Variants in HIKESHI observed in about 807,000 individuals in gnomAD.
The protein encoded by HIKESHI is protein Hikeshi.
HIKESHI carries 13 observed loss-of-function variants against 25.7 expected under a neutral mutation model. The observed-to-expected ratio is 0.51, with a 90% confidence interval of 0.33 to 0.80. The LOEUF is 0.80. HIKESHI is among the 30% of genes least tolerant of loss of function. HIKESHI has a pLI of 0.02. For synonymous variants in HIKESHI, 76 were observed against 78.7 expected (o/e 0.97, Z 0.18); for missense variants, 174 against 229.5 (o/e 0.76, Z 1.56).
intron 2 of HIKESHI, among the ~76,000 whole-genome samples, chr11:86,328,767 A>G (rs185959080): frequency 6.6e-6 from 1 of 151,628 alleles, no homozygotes; most frequent in African/African-American, 2.4e-5. Context: ...AGTAGCGACA[A>G]GGTTTCACCA....
chr11:86,308,517 GTTC>G (rs1365133855), intron 2 of HIKESHI, among the ~76,000 whole-genome samples: 6 of 142,616 alleles, frequency 4.2e-5, no homozygotes, highest in East Asian at 2.1e-4. Flanking sequence ...CCCTGCCAAT[GTTC>G]TTCTTTTGGT....
At chr11:86,329,510 C>A (rs535337603) in intron 2 of HIKESHI, among the ~76,000 whole-genome samples, 1 of 151,564 alleles carries the variant, frequency 6.6e-6, no homozygotes, top group South Asian at 2.1e-4. Context: ...ATTTTCTGTA[C>A]AGATGTCGTG....
intron 2 of HIKESHI, among the ~76,000 whole-genome samples, chr11:86,320,252 C>T (rs1348540233): frequency 6.6e-6 from 1 of 152,144 alleles, no homozygotes; most frequent in African/African-American, 2.4e-5. Context: ...CCTTTTTAAG[C>T]AGGCTTTTAT....
At chr11:86,316,538 T>C (rs1946983435) in intron 2 of HIKESHI, among the ~76,000 whole-genome samples, 1 of 151,598 alleles carries the variant, frequency 6.6e-6, no homozygotes, top group African/African-American at 2.4e-5. Flanking sequence ...ATAAAATAAA[T>C]TTTAAAAAGG....
chr11:86,309,207 T>C (rs963983901), intron 2 of HIKESHI, among the ~76,000 whole-genome samples: 1 of 152,198 alleles, frequency 6.6e-6, no homozygotes, highest in African/African-American at 2.4e-5. Context: ...GTGTTCTATT[T>C]CTCCACATCC....
intron 2 of HIKESHI, among the ~76,000 whole-genome samples, chr11:86,316,648 A>G (rs1035586611): frequency 1.3e-5 from 2 of 152,174 alleles, no homozygotes; most frequent in Non-Finnish European, 2.9e-5. Flanking sequence ...ATAAGTGTTT[A>G]TATAAATGTA....
At chr11:86,316,460 C>G (rs567666568) in intron 2 of HIKESHI, among the ~76,000 whole-genome samples, 2 of 151,824 alleles carry the variant, frequency 1.3e-5, no homozygotes, top group South Asian at 2.1e-4. Context: ...TGCAGTGAGC[C>G]GAGACCCCAC....
intron 2 of HIKESHI, among the ~76,000 whole-genome samples, chr11:86,312,179 C>T (rs1946853211): frequency 6.6e-6 from 1 of 152,008 alleles, no homozygotes; most frequent in Admixed American, 6.6e-5. Context: ...CTCCCATTAT[C>T]ATTGTGTGGG....
intron 2 of HIKESHI, among the ~76,000 whole-genome samples, chr11:86,334,404 G>T (rs1183655569): frequency 1.3e-5 from 2 of 152,006 alleles, no homozygotes; most frequent in Non-Finnish European, 2.9e-5. Flanking sequence ...GATTTACATG[G>T]AGGAGGGATG....
chr11:86,342,611 C>A (rs1413413963), intron 3 of HIKESHI, among the ~76,000 whole-genome samples: 1 of 151,400 alleles, frequency 6.6e-6, no homozygotes, highest in Non-Finnish European at 1.5e-5. Context: ...GTTCTTAAAG[C>A]CTTAAGGTTT....
chr11:86,342,876 TC>T (rs1947772279), intron 3 of HIKESHI, among the ~76,000 whole-genome samples: 5 of 152,198 alleles, frequency 3.3e-5, no homozygotes, highest in African/African-American at 1.2e-4. Flanking sequence ...GTATAGGTAT[TC>T]TTCATAATAA....
At chr11:86,335,472 A>T (rs531282330) in intron 2 of HIKESHI, among the ~76,000 whole-genome samples, 8 of 152,272 alleles carry the variant, frequency 5.3e-5, no homozygotes, top group African/African-American at 1.9e-4. Flanking sequence ...AGCTTTGTGC[A>T]TGCTCAGGAA....
rs71040229 is a variant in HIKESHI, at chr11:86,316,771, C to CTTTTTTTTTTTTTTTTT, written c.268+10313_268+10329dup. On this transcript the variant is annotated intron_variant, in intron 2 of 4. Transcript: ENST00000278483. ...TTATGAGTAATGAATCTGAAACATTCTTTTTTTTTTTTTTTTTTTTTTTTT... is the reference window on the plus strand; with the variant it reads ...TTATGAGTAATGAATCTGAAACATTCTTTTTTTTTTTTTTTTTTTTTTTTTTTTTTTTTTTTTTTTTT... Among the ~76,000 whole-genome samples, 18 of 68,790 alleles carry CTTTTTTTTTTTTTTTTT rather than the reference C, an allele frequency of 2.6e-4. 4 individuals are homozygous for CTTTTTTTTTTTTTTTTT. The highest frequency in any genetic ancestry group is 4.0e-4 in the Non-Finnish European group (15 of 37,486). 45.1% of individuals were successfully genotyped at this position (68,790 alleles called of 152,430 possible). A position where few individuals can be genotyped will look rare whatever the true frequency, so the allele number is the denominator to read the frequency against.
intron 2 of HIKESHI, among the ~76,000 whole-genome samples, chr11:86,328,610 A>G (rs1250369375): frequency 6.6e-6 from 1 of 151,654 alleles, no homozygotes; most frequent in Non-Finnish European, 1.5e-5. Flanking sequence ...CGCCCGGCTA[A>G]TTTTTGTCTT....
chr11:86,325,272 G>A (rs1016287521), intron 2 of HIKESHI, among the ~76,000 whole-genome samples: 3 of 152,138 alleles, frequency 2.0e-5, no homozygotes, highest in Non-Finnish European at 4.4e-5. Flanking sequence ...ACTTCACACA[G>A]AACAGTTTTT....
intron 2 of HIKESHI, among the ~76,000 whole-genome samples, chr11:86,308,143 A>G (rs1156571299): frequency 1.5e-5 from 2 of 132,788 alleles, no homozygotes; most frequent in Non-Finnish European, 3.1e-5. Context: ...CATGTAAAAT[A>G]TATATTGTAT....
At chr11:86,312,490 G>A (rs188909597) in intron 2 of HIKESHI, among the ~76,000 whole-genome samples, 4 of 151,950 alleles carry the variant, frequency 2.6e-5, no homozygotes, top group East Asian at 3.9e-4. Context: ...ACAGCACACC[G>A]ATGGGTCTTG....
At chr11:86,315,882 T>C (rs371711885) in intron 2 of HIKESHI, among the ~76,000 whole-genome samples, 2 of 152,086 alleles carry the variant, frequency 1.3e-5, no homozygotes, top group African/African-American at 2.4e-5. Flanking sequence ...AAAAAACATA[T>C]AAGACAGGAG....
intron 3 of HIKESHI, among the ~76,000 whole-genome samples, chr11:86,338,609 G>A (rs1448630021): frequency 6.6e-6 from 1 of 152,192 alleles, no homozygotes; most frequent in Non-Finnish European, 1.5e-5. Context: ...ATGGATTAGG[G>A]AAACCATATG....
Sources: gnomAD v4.1 joint callset for allele counts (sites outside exome capture counted in the v4.1 genomes callset) on GRCh38, gnomAD v4.1.1 for gene constraint, MANE v1.5 for transcripts, NCBI Gene and HGNC (gene_info 2026-07-23, HGNC 2026-07-21) for gene names.